CCR9: variants seen among roughly 807,000 people sequenced by gnomAD.
CCR9 encodes C-C motif chemokine receptor 9, also known as C-C chemokine receptor type 9.
CCR9 carries 4 observed loss-of-function variants against 8.7 expected under a neutral mutation model. The observed-to-expected ratio is 0.46, with a 90% CI of 0.23 to 1.06. CCR9 has a LOEUF of 1.06. CCR9 is among the 50% of genes least tolerant of loss of function. CCR9 has a pLI of 0.21. For missense variants in CCR9, 394 were observed against 453.6 expected (o/e 0.87, Z 1.19); for synonymous variants, 159 against 168.8 (o/e 0.94, Z 0.45).
rs1040978765 is a variant in CCR9 at position 45,900,459 on chromosome 3, C to A, written c.22-351C>A. ...AAACTGCCCATCAGTAGTGTGGAGG[C>A]ACTCTTACCCCATCAGAGCACTTGG... is the stretch of plus-strand genomic sequence containing the variant. On this transcript the variant is annotated intron_variant, in intron 2 of 2. Transcript: ENST00000357632. This position sits in a 1 kb window ranked among gnomAD's most constrained non-coding sequence, Gnocchi z 4.7. Among the ~76,000 whole-genome samples the A allele has an allele frequency of 1.3e-5, 2 of 152,146 alleles. No individual in the cohort carries two copies. The highest frequency in any genetic ancestry group is 1.3e-4 in the Admixed American group (2 of 15,282).
chr3:45,897,564 C>CCT, intron 2 of CCR9: 2 of 1,534,834 alleles, frequency 1.3e-6, no homozygotes, highest in Non-Finnish European at 1.7e-6. Flanking sequence ...CCTGCAGTCT[C>CCT]CTCCAGGCCC....
chr3:45,887,752 G>A (rs1430833826), intron 1 of CCR9, among the ~76,000 whole-genome samples: 1 of 152,248 alleles, frequency 6.6e-6, no homozygotes, highest in African/African-American at 2.4e-5. Flanking sequence ...ACAGGCTTGT[G>A]TTGGGAGCCC....
upstream of CCR9, among the ~76,000 whole-genome samples, chr3:45,886,227 C>A (rs1701976828): frequency 3.3e-5 from 5 of 152,086 alleles, no homozygotes; most frequent in Admixed American, 3.3e-4. Flanking sequence ...TCAGTGTGCA[C>A]CTCTGGCAAG....
In CCR9 at chr3:45,889,906, C is replaced by G. The variant is rs777621637; in HGVS notation, c.-29+3251C>G. Among the ~76,000 whole-genome samples the G allele has an allele frequency of 8.6e-5, 13 of 151,310 alleles. 1 individual carries two copies. The highest frequency in any genetic ancestry group is 4.0e-4 in the Admixed American group (6 of 15,136). Reference sequence around the variant, plus strand: ...CCAACATATATCCCTATACCTGGACCCTTGTGTTCTTTTGTGAGAATACCA... The same window carrying G: ...CCAACATATATCCCTATACCTGGACGCTTGTGTTCTTTTGTGAGAATACCA... On this transcript the variant is annotated intron_variant, in intron 1 of 2. Transcript: ENST00000357632.
intron 1 of CCR9, among the ~76,000 whole-genome samples, chr3:45,892,581 G>C (rs1029777004): frequency 6.6e-6 from 1 of 152,122 alleles, no homozygotes; most frequent in Admixed American, 6.5e-5. Context: ...AGGTAGGAGG[G>C]TGAGGATAAA....
chr3:45,890,080 T>C (rs1457524111), intron 1 of CCR9, among the ~76,000 whole-genome samples: 1 of 150,178 alleles, frequency 6.7e-6, no homozygotes, highest in Non-Finnish European at 1.5e-5. Flanking sequence ...CTCTTACCAA[T>C]GTCGTTACCA....
intron 1 of CCR9, among the ~76,000 whole-genome samples, chr3:45,893,685 T>C (rs914608017): frequency 6.6e-6 from 1 of 152,260 alleles, no homozygotes; most frequent in African/African-American, 2.4e-5. Context: ...CTTATCCATT[T>C]ACTACTTGAT....
At chr3:45,889,506 T>A (rs1425972584) in intron 1 of CCR9, among the ~76,000 whole-genome samples, 1 of 152,080 alleles carries the variant, frequency 6.6e-6, no homozygotes, top group Non-Finnish European at 1.5e-5. Context: ...TTTTTAAATC[T>A]GACAAGTTAT....
intron 2 of CCR9, among the ~76,000 whole-genome samples, chr3:45,898,050 G>A (rs1458728443): frequency 1.3e-5 from 2 of 149,872 alleles, no homozygotes; most frequent in African/African-American, 4.9e-5. Context: ...TCAAAAGCAA[G>A]TTTAGCACTT....
In CCR9 at chr3:45,901,585, C is replaced by T. The variant is rs1702559828; in HGVS notation, c.797C>T (p.Ser266Phe). Reference sequence around the variant, plus strand: ...ACTGTCCTGACCGTCTTTGTCTTGTCTCAGTTTCCCTACAACTGCATTTTG... The same window carrying T: ...ACTGTCCTGACCGTCTTTGTCTTGTTTCAGTTTCCCTACAACTGCATTTTG... ...TITVLTVFVLSQFPYNCILLV... is the reference protein window; with the variant it reads ...TITVLTVFVLFQFPYNCILLV... The change falls in exon 3 of 3, where the codon TCT becomes TTT. Residue 266 changes from serine (S) to phenylalanine (F), a missense_variant. Transcript: ENST00000357632. The surrounding 1 kb of genome is among the most constrained non-coding windows in gnomAD (Gnocchi z 4.3). The T allele has an allele frequency of 6.2e-7, 1 of 1,614,196 alleles. No homozygotes were observed. Among genetic ancestry groups the T allele is most frequent in the Admixed American group, 1.7e-5 (1 of 60,028 alleles).
At chr3:45,891,646 C>T (rs1235388438) in intron 1 of CCR9, among the ~76,000 whole-genome samples, 1 of 152,102 alleles carries the variant, frequency 6.6e-6, no homozygotes, top group Non-Finnish European at 1.5e-5. Flanking sequence ...GAATTCACAG[C>T]ACCTATTGTA....
chr3:45,893,300 G>A (rs1244939531), intron 1 of CCR9, among the ~76,000 whole-genome samples: 2 of 152,010 alleles, frequency 1.3e-5, no homozygotes, highest in Non-Finnish European at 2.9e-5. Flanking sequence ...GACTACAGGC[G>A]CACACCACCA....
chr3:45,890,269 A>ATATATATAT (rs1466215987), intron 1 of CCR9, among the ~76,000 whole-genome samples: 3 of 10,420 alleles, frequency 2.9e-4, no homozygotes, highest in Admixed American at 2.3e-3. Flanking sequence ...ATATATATAT[A>ATATATATAT]ACATATATAT....
At chr3:45,888,233 CAT>C (rs1389922213) in intron 1 of CCR9, among the ~76,000 whole-genome samples, 1 of 152,188 alleles carries the variant, frequency 6.6e-6, no homozygotes, top group Non-Finnish European at 1.5e-5. Context: ...TGCCTTAGTG[CAT>C]ATGTTTTCCC....
At chr3:45,891,627 A>G (rs757889418) in intron 1 of CCR9, among the ~76,000 whole-genome samples, 4 of 152,168 alleles carry the variant, frequency 2.6e-5, no homozygotes, top group Non-Finnish European at 5.9e-5. Context: ...CGGATGCAGC[A>G]CTATCATCGA....
intron 1 of CCR9, among the ~76,000 whole-genome samples, chr3:45,889,813 T>C (rs556743609): frequency 1.3e-5 from 2 of 152,168 alleles, no homozygotes; most frequent in East Asian, 3.9e-4. Context: ...ACATGGTTTA[T>C]TGGATTGATG....
In CCR9 at chr3:45,890,085, T is replaced by C. The variant is rs571542495; in HGVS notation, c.-29+3430T>C. On this transcript the variant is annotated intron_variant, in intron 1 of 2. Coordinates refer to ENST00000357632, the MANE Select transcript of CCR9 (RefSeq NM_031200.3). ...TTTTTCCAAACTCTTACCAATGTCG[T>C]TACCATCTATTGCTATTTCCAATCT... 1.2e-3 allele frequency among the ~76,000 whole-genome samples: 182 copies of C among 150,208 alleles called. 2 individuals are homozygous for C. The highest frequency in any genetic ancestry group is 3.4e-3 in the Middle Eastern group (1 of 294).
Position 45,901,214 on chromosome 3 carries a change from G to A in CCR9, c.426G>A (p.Val142=), listed in dbSNP as rs1702543951. The stretch of plus-strand genomic sequence containing the variant: ...TGTTGCTGATCATGTGCATCAGCGT[G>A]GACAGGTACATTGCCATTGCCCAGG... The part of the protein sequence containing the change: ...SCVLLIMCIS[V]DRYIAIAQAM... The change falls in exon 3 of 3, where the codon GTG becomes GTA. Residue 142 remains valine, a synonymous_variant. Transcript: ENST00000357632. The surrounding 1 kb of genome is among the most constrained non-coding windows in gnomAD (Gnocchi z 4.3). The A allele has an allele frequency of 6.2e-7, 1 of 1,614,128 alleles. No homozygotes were observed.
Position 45,901,625 on chromosome 3 carries a change from T to C in CCR9, c.837T>C (p.Ile279=). The change falls in exon 3 of 3, where the codon ATT becomes ATC. Residue 279 remains isoleucine (I), a synonymous_variant. Transcript: ENST00000357632. The surrounding 1 kb of genome is among the most constrained non-coding windows in gnomAD (Gnocchi z 4.3). The part of the protein sequence containing the change: ...PYNCILLVQT[I]DAYAMFISNC... ...ACTGCATTTTGTTGGTGCAGACCATTGACGCCTATGCCATGTTCATCTCCA... is the reference window on the plus strand; with the variant it reads ...ACTGCATTTTGTTGGTGCAGACCATCGACGCCTATGCCATGTTCATCTCCA... The C allele has an allele frequency of 6.2e-7, 1 of 1,614,250 alleles. No individual in the cohort carries two copies. Among genetic ancestry groups the C allele is most frequent in the South Asian group, 1.1e-5 (1 of 91,082 alleles).
Sources: allele counts gnomAD v4.1 joint callset (sites outside exome capture counted in the v4.1 genomes callset), GRCh38; gene constraint gnomAD v4.1.1; non-coding constraint Gnocchi (gnomAD v3.1); transcripts MANE v1.5; gene names NCBI Gene and HGNC (gene_info 2026-07-23, HGNC 2026-07-21).